CCSER1: variants seen among roughly 807,000 people sequenced by gnomAD.
The protein encoded by CCSER1 is coiled-coil serine rich protein 1.
Under a neutral mutation model 82.0 loss-of-function variants are expected in CCSER1, and 41 were observed. The observed-to-expected ratio is 0.50, with a 90% CI of 0.39 to 0.65. The LOEUF is 0.65. Among genes scored for constraint, CCSER1 ranks in the 30% least tolerant of loss-of-function variants. CCSER1 has a pLI of 0.00. For missense variants in CCSER1, 1,119 were observed against 1,064.2 expected, an observed-to-expected ratio of 1.05 and a Z score of -0.72; for synonymous variants, 414 against 383.9, an observed-to-expected ratio of 1.08 and a Z score of -0.92.
At chr4:90,615,677 T>G (rs1003744165) in intron 5 of CCSER1, among the ~76,000 whole-genome samples, 22 of 47,842 alleles carry the variant, frequency 4.6e-4, no homozygotes, top group South Asian at 6.8e-4. Context: ...AAAGTGTTGT[T>G]TTTTTTTTTT....
At chr4:90,764,651 A>G (rs1750926531) in intron 7 of CCSER1, among the ~76,000 whole-genome samples, 3 of 152,236 alleles carry the variant, frequency 2.0e-5, no homozygotes, top group East Asian at 1.9e-4. Flanking sequence ...TAAAATATCA[A>G]TTGTAATATT....
chr4:90,799,636 C>T (rs1009176468), intron 7 of CCSER1, among the ~76,000 whole-genome samples: 35 of 152,056 alleles, frequency 2.3e-4, no homozygotes, highest in African/African-American at 8.2e-4. Context: ...TCGCGCAGGC[C>T]CCATATGATG....
At chr4:91,517,798 T>A (rs2110132056) in intron 10 of CCSER1, among the ~76,000 whole-genome samples, 1 of 151,198 alleles carries the variant, frequency 6.6e-6, no homozygotes, top group East Asian at 2.0e-4. Flanking sequence ...AACTTTGATA[T>A]AAATTGAGTA....
intron 4 of CCSER1, among the ~76,000 whole-genome samples, chr4:90,447,386 G>C (rs536515768): frequency 6.6e-6 from 1 of 151,792 alleles, no homozygotes; most frequent in South Asian, 2.1e-4. Flanking sequence ...TCTCTTACTA[G>C]AACTTGAGTA....
chr4:91,153,489 C>T (rs991523795), intron 10 of CCSER1, among the ~76,000 whole-genome samples: 28 of 151,680 alleles, frequency 1.8e-4, no homozygotes, highest in African/African-American at 6.8e-4. Context: ...TTGTTATTAC[C>T]GATCTTCTGA....
chr4:91,564,653 CT>C (rs1039843458), intron 10 of CCSER1, among the ~76,000 whole-genome samples: 6 of 151,670 alleles, frequency 4.0e-5, no homozygotes, highest in East Asian at 1.9e-4. Context: ...TGCTACTGAG[CT>C]TTTTTTTAAT....
chr4:90,980,766 T>TG, intron 9 of CCSER1, among the ~76,000 whole-genome samples: 1 of 151,720 alleles, frequency 6.6e-6, no homozygotes, highest in Admixed American at 6.6e-5. Flanking sequence ...AATGCCACGA[T>TG]GAAGGCCTGG....
chr4:90,427,546 T>C (rs1757695454), intron 4 of CCSER1, among the ~76,000 whole-genome samples: 1 of 151,582 alleles, frequency 6.6e-6, no homozygotes, highest in Admixed American at 6.6e-5. Context: ...GTTTAAGAAA[T>C]TTGTCATTCA....
chr4:91,448,552 A>G (rs1410279778), intron 10 of CCSER1, among the ~76,000 whole-genome samples: 1 of 152,078 alleles, frequency 6.6e-6, no homozygotes, highest in Non-Finnish European at 1.5e-5. Flanking sequence ...TTTGAGTGTT[A>G]AGAGTGTTTC....
rs192825448 is a variant in CCSER1, at chr4:91,582,249, G to A, written c.2218-16323G>A. On this transcript the variant is annotated intron_variant, in intron 10 of 10. Transcript: ENST00000509176. ...CAGAAACCACTTTCTATAAGGAACA[G>A]GCAGAAGATAACTGTACCTGACCTA... Among the ~76,000 whole-genome samples, 17 of 151,600 alleles carry A rather than the reference G, an allele frequency of 1.1e-4. No individual in the cohort carries two copies. The East Asian group carries it at 3.1e-3, about 28-fold the overall frequency.
chr4:90,541,150 A>G (rs1776050133), intron 5 of CCSER1, among the ~76,000 whole-genome samples: 1 of 152,048 alleles, frequency 6.6e-6, no homozygotes, highest in Non-Finnish European at 1.5e-5. Flanking sequence ...AAGAAAATGA[A>G]GAGGGTAAAA....
chr4:90,974,149 G>T (rs1735380634), intron 9 of CCSER1, among the ~76,000 whole-genome samples: 2 of 151,536 alleles, frequency 1.3e-5, no homozygotes. Flanking sequence ...TTGCAGCAAT[G>T]TGACAAGATT....
chr4:90,717,299 AATGAACTGG>A (rs1741797153), intron 6 of CCSER1, among the ~76,000 whole-genome samples: 1 of 152,196 alleles, frequency 6.6e-6, no homozygotes, highest in Admixed American at 6.6e-5. Flanking sequence ...TAACAAGTGA[AATGAACTGG>A]ATGCTAGGAA....
chr4:90,923,313 A>G, intron 8 of CCSER1, 57 bp from the exon 9 acceptor site: 1 of 1,120,306 alleles, frequency 8.9e-7, no homozygotes, highest in Non-Finnish European at 1.3e-6. Flanking sequence ...GGAGAATATT[A>G]GTGTAGAAGT....
intron 3 of CCSER1, among the ~76,000 whole-genome samples, chr4:90,337,321 G>A (rs973186654): frequency 6.6e-5 from 10 of 152,144 alleles, no homozygotes; most frequent in Middle Eastern, 3.2e-3. Context: ...CAGACTGCTC[G>A]GAGAAGGGGT....
At chr4:91,148,518 G>T (rs1356302020) in intron 10 of CCSER1, among the ~76,000 whole-genome samples, 10 of 151,640 alleles carry the variant, frequency 6.6e-5, no homozygotes, top group Admixed American at 6.6e-4. Flanking sequence ...AAGTTCCAGG[G>T]TTCATGTGCG....
At chr4:90,672,323 C>A (rs1287777741) in intron 6 of CCSER1, among the ~76,000 whole-genome samples, 1 of 151,526 alleles carries the variant, frequency 6.6e-6, no homozygotes, top group East Asian at 1.9e-4. Context: ...TTCATCAACA[C>A]TTACTGCTTC....
In CCSER1 at chr4:90,185,738, A is replaced by G. The variant is rs543004973; in HGVS notation, c.-42+57907A>G. Among the ~76,000 whole-genome samples, 7 of 152,202 alleles carry G rather than the reference A, an allele frequency of 4.6e-5. No homozygotes were observed. The East Asian group carries it at 1.2e-3, about 25-fold the overall frequency. On this transcript the variant is annotated intron_variant, in intron 1 of 10. Transcript: ENST00000509176. ...CAGTATATAAATCTCTCTACTGAAA[A>G]TGTCTACAATGAAATGATTTTGACA...
rs187476198 is a variant in CCSER1 at position 91,570,974 on chromosome 4, A to C, written c.2218-27598A>C. Among the ~76,000 whole-genome samples, 340 of 152,272 alleles carry C rather than the reference A, an allele frequency of 2.2e-3. 1 individual carries two copies. Among genetic ancestry groups the C allele is most frequent in the African/African-American group, 7.9e-3 (327 of 41,568 alleles). ...TTCCTTCCATCAGATACTCTAAATCATCTCTCTCAAGTTCAAAGTTCCACA... is the reference window on the plus strand; with the variant it reads ...TTCCTTCCATCAGATACTCTAAATCCTCTCTCTCAAGTTCAAAGTTCCACA... On this transcript the variant is annotated intron_variant, in intron 10 of 10. Transcript: ENST00000509176.
Sources: allele counts gnomAD v4.1 joint callset (sites outside exome capture counted in the v4.1 genomes callset), GRCh38; gene constraint gnomAD v4.1.1; transcripts MANE v1.5; gene names NCBI Gene and HGNC (gene_info 2026-07-23, HGNC 2026-07-21).